Variants in UQCRC1 observed in about 807,000 individuals in gnomAD.
UQCRC1 encodes the protein cytochrome b-c1 complex subunit 1, mitochondrial.
In UQCRC1, 34 loss-of-function variants were observed where a neutral mutation model predicts 58.0. The ratio of observed to expected loss-of-function variants is 0.59; its 90% confidence interval spans 0.45 to 0.78. The LOEUF (loss-of-function observed/expected upper bound fraction) is 0.78. Ranked by LOEUF, UQCRC1 falls within the 30% of genes least tolerant of loss-of-function variation. UQCRC1 has a pLI of 0.00. For synonymous variants in UQCRC1, 276 were observed against 248.8 expected (o/e 1.11, Z -1.03); for missense variants, 610 against 646.0 (o/e 0.94, Z 0.60).
chr3:48,602,504 T>C (rs1575512774), intron 6 of UQCRC1, among the ~76,000 whole-genome samples: 1 of 151,258 alleles, frequency 6.6e-6, no homozygotes, highest in East Asian at 1.9e-4. Flanking sequence ...GCCAAGGTCA[T>C]AAGCTGGGAA....
At chr3:48,607,455 A>G (rs1255994019) in intron 2 of UQCRC1, among the ~76,000 whole-genome samples, 2 of 152,072 alleles carry the variant, frequency 1.3e-5, no homozygotes, top group Non-Finnish European at 2.9e-5. Context: ...GATTATAGGC[A>G]TGAGCCACTG....
Position 48,609,171 on chromosome 3 carries a change from G to A in UQCRC1, c.201C>T (p.Pro67=), listed in dbSNP as rs144777997. 2.4e-5 allele frequency: 39 copies of A among 1,609,482 alleles called. No individual in the cohort carries two copies. The highest frequency in any genetic ancestry group is 3.3e-5 in the Admixed American group (2 of 59,848). The change falls in exon 2 of 13, where the codon CCC becomes CCT. Residue 67 remains proline (P), a synonymous_variant. Transcript: ENST00000203407. ...LRVASEQSSQ[P]TCTVGVWIDV... ...AGCGTCCCCAACTCACCGTGCAAGT[G>A]GGCTGAGAGGACTGCTCGGAGGCCA... is the stretch of plus-strand genomic sequence containing the variant.
Position 48,609,170 on chromosome 3 carries a change from T to G in UQCRC1, c.202A>C (p.Thr68Pro), listed in dbSNP as rs760591212. The stretch of plus-strand genomic sequence containing the variant: ...AAGCGTCCCCAACTCACCGTGCAAG[T>G]GGGCTGAGAGGACTGCTCGGAGGCC... ...RVASEQSSQPTCTVGVWIDVG... is the reference protein window; with the variant it reads ...RVASEQSSQPPCTVGVWIDVG... Residue 68 changes from threonine (T) to proline (P), a missense_variant, in exon 2 of 13, where the codon ACT becomes CCT. Transcript: ENST00000203407. 3 of 1,607,014 alleles carry G rather than the reference T, an allele frequency of 1.9e-6. No individual in the cohort carries two copies. Among genetic ancestry groups the G allele is most frequent in the African/African-American group, 1.3e-5 (1 of 74,802 alleles).
At chr3:48,600,396 C>T (rs747470917) in intron 10 of UQCRC1, 86 bp downstream of exon 10, 5 of 1,540,212 alleles carry the variant, frequency 3.2e-6, no homozygotes, top group African/African-American at 1.4e-5. Flanking sequence ...TCCTTTCTAA[C>T]CTTGGTTAGT....
chr3:48,609,432 G>C, intron 1 of UQCRC1, 120 bp downstream of exon 1: 1 of 1,513,018 alleles, frequency 6.6e-7, no homozygotes, highest in Non-Finnish European at 8.9e-7. Flanking sequence ...CCTCCGCCGT[G>C]ACCTTCCCAC....
chr3:48,605,984 C>T, intron 2 of UQCRC1, 128 bp from the exon 3 acceptor site: 1 of 845,214 alleles, frequency 1.2e-6, no homozygotes, highest in South Asian at 1.9e-5. Context: ...GGGAGAGCTG[C>T]CCCAGCAGGA....
chr3:48,604,916 C>G, intron 3 of UQCRC1, 136 bp from the exon 4 acceptor site: 1 of 1,291,190 alleles, frequency 7.7e-7, no homozygotes, highest in Admixed American at 2.3e-5. Context: ...ACACAGATCC[C>G]AGAGTCTGTT....
Position 48,609,321 on chromosome 3 carries a change from G to GC in UQCRC1, c.70-20dup, listed in dbSNP as rs757776976. 8 of 1,594,992 alleles carry GC rather than the reference G, an allele frequency of 5.0e-6. 1 individual carries two copies. In the South Asian group the frequency reaches 8.9e-5, roughly 18 times the overall value. On this transcript the variant is annotated intron_variant, in intron 1 of 12. Transcript: ENST00000203407. ...GGGCCGGCTGTGGAAGGGAACAGCCGCGAGTGAGGACTCGGTCAGGGGATC... is the reference window on the plus strand; with the variant it reads ...GGGCCGGCTGTGGAAGGGAACAGCCGCCGAGTGAGGACTCGGTCAGGGGATC...
At chr3:48,608,156 C>A (rs1390548206) in intron 2 of UQCRC1, among the ~76,000 whole-genome samples, 2 of 152,216 alleles carry the variant, frequency 1.3e-5, no homozygotes, top group Non-Finnish European at 2.9e-5. Flanking sequence ...ACCCCTTCAT[C>A]CTTCCAAGTC....
chr3:48,600,019 T>C (rs1176949651), intron 11 of UQCRC1, 44 bp downstream of exon 11: 1 of 1,611,586 alleles, frequency 6.2e-7, no homozygotes, highest in South Asian at 1.1e-5. Flanking sequence ...CCCAGGTGTC[T>C]GCCAGGCCAA....
At chr3:48,599,225 TA>T in intron 12 of UQCRC1, 33 bp from the exon 13 acceptor site, 7 of 1,571,010 alleles carry the variant, frequency 4.5e-6, no homozygotes, top group Non-Finnish European at 6.1e-6. Flanking sequence ...CAGGGTGGGG[TA>T]CCTGGCCTGC....
chr3:48,601,327 T>G, intron 7 of UQCRC1, 25 bp downstream of exon 7: 1 of 1,612,616 alleles, frequency 6.2e-7, no homozygotes, highest in Non-Finnish European at 8.5e-7. Flanking sequence ...AGCTGAGCAC[T>G]ACTCCTGCCC....
intron 5 of UQCRC1, 83 bp downstream of exon 5, chr3:48,604,150 G>T: frequency 6.8e-7 from 1 of 1,474,060 alleles, no homozygotes. Flanking sequence ...CCGACAGCTA[G>T]CCAACTAAAA....
At chr3:48,599,846 G>A (rs1280367107) in intron 11 of UQCRC1, 136 bp from the exon 12 acceptor site, 1 of 1,083,278 alleles carries the variant, frequency 9.2e-7, no homozygotes, top group East Asian at 2.5e-5. Context: ...AAAGGCAGAA[G>A]GGATCCCTGC....
chr3:48,600,516 GT>G lies in UQCRC1; in HGVS notation c.1178del (p.Asn393ThrfsTer11). The G allele has an allele frequency of 6.2e-7, 1 of 1,614,130 alleles. No individual in the cohort carries two copies. The highest frequency in any genetic ancestry group is 2.2e-5 in the East Asian group (1 of 44,886). On this transcript the variant is annotated frameshift_variant, in exon 10 of 13. Coordinates refer to ENST00000203407, the MANE Select transcript of UQCRC1 (RefSeq NM_003365.3). LOFTEE classifies it high-confidence loss of function. The stretch of plus-strand genomic sequence containing the variant: ...GAGATACCAGGGCATTTCTGAGGAT[GT>G]TTTTGCCCCGGGCCACCTCACTCTC... ...ATESEVARGK[N>X]ILRNALVSHL...
In UQCRC1 at chr3:48,609,584, C is replaced by T. The variant is rs2046446646; in HGVS notation, c.37G>A (p.Gly13Arg). 1.9e-6 allele frequency: 3 copies of T among 1,571,300 alleles called. No homozygotes were observed. Among genetic ancestry groups the T allele is most frequent in the Non-Finnish European group, 2.6e-6 (3 of 1,163,242 alleles). Residue 13 changes from glycine (G) to arginine (R), a missense_variant, in exon 1 of 13, where the codon GGG becomes AGG. Coordinates refer to ENST00000203407, the MANE Select transcript of UQCRC1 (RefSeq NM_003365.3). Reference sequence around the variant, plus strand: ...CGGGCGCGCAATAGCACTTGTGCCCCGGCGGTAGCGGCCCGACAGACCACG... The same window carrying T: ...CGGGCGCGCAATAGCACTTGTGCCCTGGCGGTAGCGGCCCGACAGACCACG... Reference protein sequence around the residue: ...ASVVCRAATAGAQVLLRARRS... With the variant: ...ASVVCRAATARAQVLLRARRS...
intron 12 of UQCRC1, 146 bp downstream of exon 12, chr3:48,599,489 G>A: frequency 1.1e-6 from 1 of 871,532 alleles, no homozygotes; most frequent in Non-Finnish European, 1.8e-6. Flanking sequence ...AGAACTCCCT[G>A]GCAGCCAGGG....
At position 48,599,427 on chromosome 3, in the gene UQCRC1, G is replaced by A. The variant is rs2046341341; in HGVS notation, c.1378+208C>T. Reference sequence around the variant, plus strand: ...TACCTGACGGGTGCAGGGTATTGATGAAGGCACCTTGGCAGGCAGTCAAGG... The same window carrying A: ...TACCTGACGGGTGCAGGGTATTGATAAAGGCACCTTGGCAGGCAGTCAAGG... On this transcript the variant is annotated intron_variant, in intron 12 of 12. Coordinates refer to ENST00000203407, the MANE Select transcript of UQCRC1 (RefSeq NM_003365.3). 3 of 693,462 alleles carry A rather than the reference G, an allele frequency of 4.3e-6. No individual in the cohort carries two copies. In the South Asian group the frequency reaches 5.6e-5, roughly 13 times the overall value. 43.0% of individuals were successfully genotyped at this position (693,462 alleles called of 1,614,324 possible).
Position 48,599,128 on chromosome 3 carries a change from C to G in UQCRC1, c.1443G>C (p.Ter481TyrextTer28). The G allele has an allele frequency of 6.2e-7, 1 of 1,612,230 alleles. No individual in the cohort carries two copies. Among genetic ancestry groups the G allele is most frequent in the Non-Finnish European group, 8.5e-7 (1 of 1,178,968 alleles). Residue 481 changes from the stop codon to tyrosine, a stop_lost, in exon 13 of 13, where the codon TAG (stop) becomes TAC (tyrosine). Coordinates refer to ENST00000203407, the MANE Select transcript of UQCRC1 (RefSeq NM_003365.3). ...IRSGMFWLRF* is the reference protein window; with the variant it reads ...IRSGMFWLRFY ...CCTCTTGCTTACATAGGCTTCCCGC[C>G]TAGAAGCGCAGCCAGAACATGCCGC...
Sources: allele counts gnomAD v4.1 joint callset (sites outside exome capture counted in the v4.1 genomes callset), GRCh38; gene constraint gnomAD v4.1.1; transcripts MANE v1.5; gene names NCBI Gene and HGNC (gene_info 2026-07-23, HGNC 2026-07-21).